NEIL3: variants seen among roughly 807,000 people sequenced by gnomAD.
NEIL3 encodes the protein endonuclease 8-like 3.
In NEIL3, 48 loss-of-function variants were observed where a neutral mutation model predicts 57.5. That is an observed-to-expected ratio of 0.83 (90% CI 0.66 to 1.06). NEIL3 has a LOEUF of 1.06. Among genes scored for constraint, NEIL3 ranks in the 50% least tolerant of loss-of-function variants. NEIL3 has a pLI of 0.00. For missense variants in NEIL3, 717 were observed against 739.1 expected, an observed-to-expected ratio of 0.97 and a Z score of 0.35; for synonymous variants, 261 against 253.2, an observed-to-expected ratio of 1.03 and a Z score of -0.29.
At chr4:177,325,445 A>C (rs1337130449) in intron 2 of NEIL3, among the ~76,000 whole-genome samples, 1 of 152,112 alleles carries the variant, frequency 6.6e-6, no homozygotes, top group East Asian at 1.9e-4. Context: ...TAATTCATTC[A>C]TCAGATGATG....
At chr4:177,351,610 C>T (rs1302607270) in intron 7 of NEIL3, 61 bp downstream of exon 7, 1 of 1,317,086 alleles carries the variant, frequency 7.6e-7, no homozygotes, top group South Asian at 1.3e-5. Flanking sequence ...TATACAAAGT[C>T]AGGAATATAT....
chr4:177,317,839 C>T (rs572958656), intron 1 of NEIL3, among the ~76,000 whole-genome samples: 5 of 151,918 alleles, frequency 3.3e-5, no homozygotes, highest in East Asian at 3.9e-4. Flanking sequence ...TCAGGTGATC[C>T]GCCTGCCTCG....
chr4:177,321,741 G>A (rs34929845), intron 1 of NEIL3, among the ~76,000 whole-genome samples: 78 of 152,288 alleles, frequency 5.1e-4, no homozygotes, highest in African/African-American at 1.7e-3. Context: ...CATTGTGCTT[G>A]GAATAGGACA....
chr4:177,348,152 T>G (rs946003918), intron 6 of NEIL3, among the ~76,000 whole-genome samples: 18 of 152,202 alleles, frequency 1.2e-4, no homozygotes, highest in Admixed American at 1.0e-3. Context: ...GAAGGGCTTG[T>G]GAAAACACAG....
intron 2 of NEIL3, among the ~76,000 whole-genome samples, chr4:177,322,908 G>A (rs1578989326): frequency 6.6e-6 from 1 of 152,134 alleles, no homozygotes; most frequent in East Asian, 1.9e-4. Flanking sequence ...CAGTGACATC[G>A]GTTACTTTAT....
intron 6 of NEIL3, among the ~76,000 whole-genome samples, chr4:177,349,955 A>G (rs920048082): frequency 2.0e-5 from 3 of 152,248 alleles, no homozygotes; most frequent in Non-Finnish European, 4.4e-5. Context: ...AAGTTAGTAG[A>G]GGACAGAGAT....
At chr4:177,317,621 T>TTTTTTTA (rs1734600815) in intron 1 of NEIL3, among the ~76,000 whole-genome samples, 1 of 144,016 alleles carries the variant, frequency 6.9e-6, no homozygotes, top group African/African-American at 2.6e-5. Context: ...TTTTTTTTTT[T>TTTTTTTA]GAGATGGAGT....
rs545625325 is a variant in NEIL3 at position 177,317,175 on chromosome 4, C to T, written c.157-5284C>T. On this transcript the variant is annotated intron_variant, in intron 1 of 9. Coordinates refer to ENST00000264596, the MANE Select transcript of NEIL3 (RefSeq NM_018248.3). Reference sequence around the variant, plus strand: ...TGTTACAATATTAACATTCATCAGGCGATAAACATCTTTTTTCAACATTGG... The same window carrying T: ...TGTTACAATATTAACATTCATCAGGTGATAAACATCTTTTTTCAACATTGG... Among the ~76,000 whole-genome samples the T allele has an allele frequency of 1.2e-4, 18 of 152,212 alleles. 1 individual carries two copies. The highest frequency in any genetic ancestry group is 6.2e-4 in the South Asian group (3 of 4,822).
intron 7 of NEIL3, among the ~76,000 whole-genome samples, chr4:177,352,570 C>T (rs910827402): frequency 3.3e-5 from 5 of 152,114 alleles, no homozygotes; most frequent in African/African-American, 1.2e-4. Flanking sequence ...GTGGCTCACA[C>T]TTGTAATCCC....
chr4:177,334,347 A>T (rs950004912), intron 2 of NEIL3, among the ~76,000 whole-genome samples: 4 of 152,174 alleles, frequency 2.6e-5, no homozygotes, highest in African/African-American at 7.2e-5. Flanking sequence ...AAAACATTTT[A>T]TGCACTTTTT....
intron 1 of NEIL3, among the ~76,000 whole-genome samples, chr4:177,315,292 A>G (rs1734554741): frequency 6.6e-6 from 1 of 152,206 alleles, no homozygotes. Context: ...AATCAGCACA[A>G]TAAATCATGT....
At chr4:177,351,993 G>A (rs3805171) in intron 7 of NEIL3, among the ~76,000 whole-genome samples, 12 of 152,170 alleles carry the variant, frequency 7.9e-5, no homozygotes, top group East Asian at 3.9e-4. Context: ...CTTCTACCCC[G>A]TGCTATTAAA....
chr4:177,345,474 T>TTATTA (rs59455159), intron 6 of NEIL3, among the ~76,000 whole-genome samples: 2 of 151,080 alleles, frequency 1.3e-5, no homozygotes, highest in African/African-American at 4.9e-5. Flanking sequence ...CTTTTTTTTT[T>TTATTA]TTATTATTAT....
chr4:177,360,356 CT>C, intron 8 of NEIL3, 146 bp from the exon 9 acceptor site: 1 of 478,598 alleles, frequency 2.1e-6, no homozygotes, highest in Non-Finnish European at 3.6e-6. Context: ...TAAAGACAGC[CT>C]TTTGCATAAT....
At chr4:177,356,249 A>T (rs1292603909) in intron 8 of NEIL3, among the ~76,000 whole-genome samples, 2 of 152,208 alleles carry the variant, frequency 1.3e-5, no homozygotes, top group African/African-American at 2.4e-5. Context: ...TTAGGGATTT[A>T]AAAAAACATT....
At chr4:177,364,559 G>A (rs374409885), downstream of NEIL3, among the ~76,000 whole-genome samples, 3 of 152,302 alleles carry the variant, frequency 2.0e-5, no homozygotes, top group East Asian at 3.9e-4. Context: ...CCCACATTCT[G>A]TGAAACTCTG....
chr4:177,329,493 G>T (rs1030124730), intron 2 of NEIL3, among the ~76,000 whole-genome samples: 3 of 152,022 alleles, frequency 2.0e-5, no homozygotes, highest in Admixed American at 2.0e-4. Flanking sequence ...ATTACTGAGG[G>T]TAAAGAAGGA....
rs183109742 is a variant in NEIL3, at chr4:177,311,326, C to T, written c.156+1217C>T. Among the ~76,000 whole-genome samples the T allele has an allele frequency of 1.4e-4, 22 of 152,152 alleles. No individual in the cohort carries two copies. The East Asian group carries it at 4.3e-3, about 29-fold the overall frequency. ...ATAAGTTCTGTGAAGGAGAGATACACGATTCTTTAAGGACTTGTAGGAAGA... is the reference window on the plus strand; with the variant it reads ...ATAAGTTCTGTGAAGGAGAGATACATGATTCTTTAAGGACTTGTAGGAAGA... On this transcript the variant is annotated intron_variant, in intron 1 of 9. Transcript: ENST00000264596.
chr4:177,313,055 T>A (rs1734506130), intron 1 of NEIL3, among the ~76,000 whole-genome samples: 1 of 152,236 alleles, frequency 6.6e-6, no homozygotes, highest in Non-Finnish European at 1.5e-5. Flanking sequence ...ATGTTTCTGC[T>A]ACTGGCTTGA....
Sources: gnomAD v4.1 joint callset for allele counts (sites outside exome capture counted in the v4.1 genomes callset) on GRCh38, gnomAD v4.1.1 for gene constraint, MANE v1.5 for transcripts, NCBI Gene and HGNC (gene_info 2026-07-23, HGNC 2026-07-21) for gene names.